LRRC4C: variants seen among roughly 807,000 people sequenced by gnomAD.
LRRC4C encodes the protein leucine rich repeat containing 4C.
Under a neutral mutation model 33.6 loss-of-function variants are expected in LRRC4C, and 5 were observed. The observed-to-expected ratio is 0.15, with a 90% CI of 0.08 to 0.31. LRRC4C has a LOEUF of 0.31. LRRC4C is among the 10% of genes least tolerant of loss of function. The pLI is 1.00. For synonymous variants in LRRC4C, 329 were observed against 302.0 expected, an observed-to-expected ratio of 1.09 and a Z score of -0.93; for missense variants, 560 against 796.7, an observed-to-expected ratio of 0.70 and a Z score of 3.58.
At chr11:40,568,570 A>C (rs1463065117) in intron 3 of LRRC4C, among the ~76,000 whole-genome samples, 2 of 152,184 alleles carry the variant, frequency 1.3e-5, no homozygotes, top group Non-Finnish European at 2.9e-5. Context: ...ACGAAAATCT[A>C]ATTTGCCTGA....
intron 2 of LRRC4C, among the ~76,000 whole-genome samples, chr11:40,778,899 T>A (rs941595992): frequency 1.3e-5 from 2 of 152,108 alleles, no homozygotes; most frequent in East Asian, 1.9e-4. Flanking sequence ...AAAAAGTAGA[T>A]CCCATTAGCC....
At chr11:41,062,681 C>T (rs1436594174) in intron 1 of LRRC4C, among the ~76,000 whole-genome samples, 2 of 152,076 alleles carry the variant, frequency 1.3e-5, no homozygotes, top group Non-Finnish European at 2.9e-5. Flanking sequence ...ATATTCATAC[C>T]TACCTAGAAA....
chr11:41,075,027 T>TTTTTTTTTTTTTTTTTTTTTTTA (rs764193977), intron 1 of LRRC4C, among the ~76,000 whole-genome samples: 1 of 102,972 alleles, frequency 9.7e-6, no homozygotes, highest in African/African-American at 4.4e-5. Flanking sequence ...TTTTTTTTTT[T>TTTTTTTTTTTTTTTTTTTTTTTA]TTTTTTTTTA....
intron 1 of LRRC4C, among the ~76,000 whole-genome samples, chr11:41,081,389 C>G (rs913197091): frequency 6.6e-6 from 1 of 152,172 alleles, no homozygotes; most frequent in Non-Finnish European, 1.5e-5. Context: ...AAAGGTCCCA[C>G]AAAGATGCAG....
chr11:40,694,538 A>C (rs1470779563), intron 2 of LRRC4C, among the ~76,000 whole-genome samples: 2 of 152,252 alleles, frequency 1.3e-5, no homozygotes, highest in East Asian at 1.9e-4. Flanking sequence ...GTATTTATAC[A>C]CTCATAATGT....
chr11:41,393,186 C>T (rs186534001), intron 1 of LRRC4C, among the ~76,000 whole-genome samples: 1 of 151,902 alleles, frequency 6.6e-6, no homozygotes, highest in African/African-American at 2.4e-5. Context: ...TTTCTATTAG[C>T]CAAATTTCTT....
chr11:40,825,942 G>T lies in LRRC4C; in HGVS notation c.-407+107693C>A, dbSNP rs866949984. 9.1e-4 allele frequency among the ~76,000 whole-genome samples: 35 copies of T among 38,622 alleles called. 3 individuals are homozygous for T. Among genetic ancestry groups the T allele is most frequent in the Middle Eastern group, 0.023 (2 of 88 alleles). 25.3% of individuals were successfully genotyped at this position (38,622 alleles called of 152,430 possible). A position where few individuals can be genotyped will look rare whatever the true frequency, so the allele number is the denominator to read the frequency against. On this transcript the variant is annotated intron_variant, in intron 2 of 6. Transcript: ENST00000528697. ...TGTATGCTTCACATATTGTATTCTGGGGGGGGGGCGTCTCACATATATTCA... is the reference window on the plus strand; with the variant it reads ...TGTATGCTTCACATATTGTATTCTGTGGGGGGGGCGTCTCACATATATTCA...
chr11:40,577,724 A>C (rs951463462), intron 3 of LRRC4C, among the ~76,000 whole-genome samples: 1 of 152,128 alleles, frequency 6.6e-6, no homozygotes, highest in African/African-American at 2.4e-5. Flanking sequence ...CAACAACAAA[A>C]ACATGACCTG....
intron 4 of LRRC4C, among the ~76,000 whole-genome samples, chr11:40,276,212 C>A (rs910089286): frequency 8.6e-5 from 13 of 151,976 alleles, no homozygotes; most frequent in Admixed American, 2.0e-4. Context: ...CAAATCAGGG[C>A]ACGATTATAG....
intron 1 of LRRC4C, among the ~76,000 whole-genome samples, chr11:41,457,793 C>A: frequency 6.6e-6 from 1 of 151,978 alleles, no homozygotes; most frequent in Non-Finnish European, 1.5e-5. Flanking sequence ...CCTGGAGTAC[C>A]AGGTACAAGG....
chr11:40,538,789 G>A (rs59940533), intron 3 of LRRC4C, among the ~76,000 whole-genome samples: 13,450 of 151,958 alleles, frequency 0.089, 1,690 homozygotes, highest in African/African-American at 0.28. Context: ...ATTTCTCCAC[G>A]TCCTCTGCAG....
At chr11:41,178,861 C>G (rs1251059193) in intron 1 of LRRC4C, among the ~76,000 whole-genome samples, 1 of 152,154 alleles carries the variant, frequency 6.6e-6, no homozygotes. Context: ...CACCACCATG[C>G]CCAGCTAATT....
chr11:41,356,246 G>T (rs1952156345), intron 1 of LRRC4C, among the ~76,000 whole-genome samples: 1 of 152,112 alleles, frequency 6.6e-6, no homozygotes, highest in South Asian at 2.1e-4. Context: ...CATTATGAAT[G>T]ATGTTATAGG....
At chr11:41,090,492 T>A (rs1309352881) in intron 1 of LRRC4C, among the ~76,000 whole-genome samples, 3 of 152,130 alleles carry the variant, frequency 2.0e-5, no homozygotes, top group African/African-American at 7.2e-5. Flanking sequence ...CATCAATAAT[T>A]AAGAAATATC....
At chr11:40,927,551 T>C (rs61886655) in intron 2 of LRRC4C, among the ~76,000 whole-genome samples, 13,635 of 152,150 alleles carry the variant, frequency 0.09, 859 homozygotes, top group African/African-American at 0.17. Flanking sequence ...TAGCTATGTG[T>C]TTCTAGGAAA....
At chr11:41,367,637 T>C (rs572213179) in intron 1 of LRRC4C, among the ~76,000 whole-genome samples, 7 of 152,182 alleles carry the variant, frequency 4.6e-5, no homozygotes, top group Non-Finnish European at 8.8e-5. Flanking sequence ...TATGTTTGTA[T>C]CTGTATGTCT....
At chr11:41,221,203 C>CA in intron 1 of LRRC4C, among the ~76,000 whole-genome samples, 1 of 145,424 alleles carries the variant, frequency 6.9e-6, no homozygotes, top group Non-Finnish European at 1.5e-5. Context: ...AACAAATTTA[C>CA]AAAAAACAAC....
chr11:40,252,412 CAG>C (rs1437034908), intron 4 of LRRC4C, among the ~76,000 whole-genome samples: 3 of 151,966 alleles, frequency 2.0e-5, no homozygotes, highest in East Asian at 1.9e-4. Flanking sequence ...CCCCACGAAA[CAG>C]AGAGCTCTCA....
intron 2 of LRRC4C, among the ~76,000 whole-genome samples, chr11:40,782,326 T>C (rs1300126866): frequency 2.0e-5 from 3 of 152,184 alleles, no homozygotes; most frequent in African/African-American, 7.2e-5. Flanking sequence ...TGTTGCTACA[T>C]TTATTCTGAG....
Sources: gnomAD v4.1 joint callset for allele counts (sites outside exome capture counted in the v4.1 genomes callset) on GRCh38, gnomAD v4.1.1 for gene constraint, MANE v1.5 for transcripts, NCBI Gene and HGNC (gene_info 2026-07-23, HGNC 2026-07-21) for gene names.